The following DGKD variants were observed in gnomAD, a reference collection of about 807,000 sequenced individuals.
DGKD encodes DAG kinase delta.
In DGKD, 68 loss-of-function variants were observed where a neutral mutation model predicts 154.4. The ratio of observed to expected loss-of-function variants is 0.44; its 90% CI spans 0.36 to 0.54. The LOEUF (loss-of-function observed/expected upper bound fraction) is 0.54. Ranked by LOEUF, DGKD falls within the 20% of genes least tolerant of loss-of-function variation. DGKD has a pLI of 0.00. For missense variants in DGKD, 1,343 were observed against 1,593.6 expected (o/e 0.84, Z 2.68); for synonymous variants, 693 against 638.0 (o/e 1.09, Z -1.30).
intron 14 of DGKD, among the ~76,000 whole-genome samples, chr2:233,448,658 C>T (rs2063165419): frequency 6.6e-6 from 1 of 152,212 alleles, no homozygotes; most frequent in Admixed American, 6.5e-5. Flanking sequence ...AGAAGTATCC[C>T]ATTGGCCACT....
intron 2 of DGKD, 49 bp downstream of exon 2, chr2:233,388,416 C>T: frequency 6.4e-7 from 1 of 1,551,472 alleles, no homozygotes; most frequent in Non-Finnish European, 8.7e-7. Flanking sequence ...CAGGAGCCGT[C>T]CCAGGGGAGG....
rs2063321905 is a variant in DGKD, at chr2:233,452,354, C to T, written c.2264+294C>T. ...CTTCTGAGGCTTTTCACAGGCTCAG[C>T]TACTCCTGCCAGGAGCTGCCCTTGT... On this transcript the variant is annotated intron_variant, in intron 18 of 29. Coordinates refer to ENST00000264057, the MANE Select transcript of DGKD (RefSeq NM_152879.3). This position sits in a 1 kb window ranked among gnomAD's most constrained non-coding sequence, Gnocchi z 4.0. Among the ~76,000 whole-genome samples the T allele has an allele frequency of 6.6e-6, 1 of 152,218 alleles. No individual in the cohort carries two copies. The highest frequency in any genetic ancestry group is 1.5e-5 in the Non-Finnish European group (1 of 68,044).
intron 7 of DGKD, 102 bp from the exon 8 acceptor site, chr2:233,437,275 C>T: frequency 9.3e-7 from 1 of 1,073,088 alleles, no homozygotes; most frequent in Non-Finnish European, 1.4e-6. Context: ...CTGAAATCAC[C>T]TGCCTCCCCC....
At chr2:233,410,599 A>G (rs1318834717) in intron 3 of DGKD, among the ~76,000 whole-genome samples, 1 of 152,226 alleles carries the variant, frequency 6.6e-6, no homozygotes, top group South Asian at 2.1e-4. Context: ...TTTGACTTGC[A>G]TAAGTTTCCT....
intron 3 of DGKD, among the ~76,000 whole-genome samples, chr2:233,405,332 A>G (rs2061658020): frequency 6.6e-6 from 1 of 152,198 alleles, no homozygotes; most frequent in Non-Finnish European, 1.5e-5. Context: ...CAGCCTGATC[A>G]ACATGGAGAA....
chr2:233,453,644 G>A lies in DGKD; in HGVS notation c.2265-1119G>A, dbSNP rs145764601. ...CATTGAGTTTCTTTGGGAACTTCCA[G>A]AACATCCTCTTCTCCTGGCTGCAGC... On this transcript the variant is annotated intron_variant, in intron 18 of 29. Coordinates refer to ENST00000264057, the MANE Select transcript of DGKD (RefSeq NM_152879.3). 4.7e-3 allele frequency among the ~76,000 whole-genome samples: 718 copies of A among 152,352 alleles called. 5 individuals are homozygous for A. Among genetic ancestry groups the A allele is most frequent in the Middle Eastern group, 0.044 (13 of 294 alleles).
In DGKD at chr2:233,457,187, C is replaced by G. The variant is rs747602199; in HGVS notation, c.2473-34C>G. The G allele has an allele frequency of 4.7e-6, 7 of 1,481,438 alleles. No homozygotes were observed. Among genetic ancestry groups the G allele is most frequent in the Non-Finnish European group, 6.4e-6 (7 of 1,100,136 alleles). 91.8% of individuals were successfully genotyped at this position (1,481,438 alleles called of 1,614,324 possible). A position where few individuals can be genotyped will look rare whatever the true frequency, so the allele number is the denominator to read the frequency against. The stretch of plus-strand genomic sequence containing the variant: ...GAAGGAGGGGCTGACTCATACCTTT[C>G]TCTTTTCTTTTGTTCTGTGTCTCTG... On this transcript the variant is annotated intron_variant, in intron 20 of 29. Transcript: ENST00000264057. The surrounding 1 kb of genome is among the most constrained non-coding windows in gnomAD (Gnocchi z 5.5).
intron 27 of DGKD, among the ~76,000 whole-genome samples, chr2:233,466,205 T>G (rs1345553877): frequency 6.6e-6 from 1 of 151,562 alleles, no homozygotes; most frequent in Non-Finnish European, 1.5e-5. Context: ...TGTAAATGTA[T>G]CTTGTATGCA....
At chr2:233,446,651 A>G (rs577246065) in intron 11 of DGKD, 61 bp from the exon 12 acceptor site, 3 of 1,558,542 alleles carry the variant, frequency 1.9e-6, no homozygotes, top group African/African-American at 1.4e-5. Context: ...CGGACGGCGC[A>G]GGGTTCACCC....
intron 1 of DGKD, among the ~76,000 whole-genome samples, chr2:233,357,031 A>G (rs1028332208): frequency 6.6e-6 from 1 of 152,206 alleles, no homozygotes; most frequent in Non-Finnish European, 1.5e-5. Context: ...CAATGAGGCA[A>G]GCCGGAGATG....
intron 1 of DGKD, among the ~76,000 whole-genome samples, chr2:233,368,169 T>G (rs1702130065): frequency 6.6e-6 from 1 of 152,192 alleles, no homozygotes; most frequent in Non-Finnish European, 1.5e-5. Context: ...GCCACCCCCA[T>G]TGTGTCATTT....
intron 26 of DGKD, chr2:233,463,792 C>T (rs894125345): frequency 1.7e-5 from 5 of 287,084 alleles, no homozygotes; most frequent in East Asian, 1.5e-4. Context: ...CGTGTCCTCA[C>T]TGCACACCTC....
chr2:233,459,974 T>C lies in DGKD; in HGVS notation c.2829+83T>C. On this transcript the variant is annotated intron_variant, in intron 23 of 29. Transcript: ENST00000264057. This position sits in a 1 kb window ranked among gnomAD's most constrained non-coding sequence, Gnocchi z 5.7. Reference sequence around the variant, plus strand: ...GTGTGCACTGTTAAGAGCTGGAGCTTTTTGTGTTTTGTTCTAGGATTTTTT... The same window carrying C: ...GTGTGCACTGTTAAGAGCTGGAGCTCTTTGTGTTTTGTTCTAGGATTTTTT... The C allele has an allele frequency of 4.0e-6, 6 of 1,498,196 alleles. No individual in the cohort carries two copies. Among genetic ancestry groups the C allele is most frequent in the Non-Finnish European group, 5.3e-6 (6 of 1,126,634 alleles). The allele number at this position is 1,498,196 out of a possible 1,614,324, so 92.8% of individuals were successfully genotyped here.
At chr2:233,409,788 T>G (rs1411451547) in intron 3 of DGKD, among the ~76,000 whole-genome samples, 3 of 9,172 alleles carry the variant, frequency 3.3e-4, no homozygotes, top group Admixed American at 2.3e-3. Context: ...CCCCATACCG[T>G]TTTTTTTTTT....
At chr2:233,426,237 CT>C (rs1362087481) in intron 3 of DGKD, among the ~76,000 whole-genome samples, 1 of 152,164 alleles carries the variant, frequency 6.6e-6, no homozygotes. Flanking sequence ...CTCCCTGTCT[CT>C]TGTACAGTTA....
intron 3 of DGKD, among the ~76,000 whole-genome samples, chr2:233,392,810 TC>T (rs1473801574): frequency 2.6e-5 from 4 of 152,260 alleles, no homozygotes; most frequent in Non-Finnish European, 5.9e-5. Flanking sequence ...TAATTTACTT[TC>T]CCACAAATTT....
chr2:233,447,044 G>A (rs556644876), intron 12 of DGKD, among the ~76,000 whole-genome samples: 4 of 152,290 alleles, frequency 2.6e-5, no homozygotes, highest in South Asian at 2.1e-4. Context: ...CCGGGTGGTG[G>A]GGTGGTCCTC....
In DGKD at chr2:233,408,098, C is replaced by T. The variant is rs572436916; in HGVS notation, c.348+17615C>T. Among the ~76,000 whole-genome samples the T allele has an allele frequency of 8.0e-5, 12 of 150,580 alleles. No homozygotes were observed. The South Asian group carries it at 2.3e-3, about 29-fold the overall frequency. Reference sequence around the variant, plus strand: ...CACTCTGTTGCCCAGGCTGGAGTGCCGTGCTGCGCTCTCAGCTCACTGCAA... The same window carrying T: ...CACTCTGTTGCCCAGGCTGGAGTGCTGTGCTGCGCTCTCAGCTCACTGCAA... On this transcript the variant is annotated intron_variant, in intron 3 of 29. Coordinates refer to ENST00000264057, the MANE Select transcript of DGKD (RefSeq NM_152879.3).
At position 233,441,000 on chromosome 2, in the gene DGKD, G is replaced by A. The variant is rs955203354; in HGVS notation, c.1086-887G>A. On this transcript the variant is annotated intron_variant, in intron 9 of 29. Transcript: ENST00000264057. This position sits in a 1 kb window ranked among gnomAD's most constrained non-coding sequence, Gnocchi z 4.9. ...GTTGGTGGTCGAGCTACCATTCTCC[G>A]AGTAGGGATGTGTCCTGTTGGATGT... is the stretch of plus-strand genomic sequence containing the variant. Among the ~76,000 whole-genome samples the A allele has an allele frequency of 2.6e-5, 4 of 152,192 alleles. No individual in the cohort carries two copies. The highest frequency in any genetic ancestry group is 4.8e-5 in the African/African-American group (2 of 41,442).
Sources: gnomAD v4.1 joint callset for allele counts (sites outside exome capture counted in the v4.1 genomes callset) on GRCh38, gnomAD v4.1.1 for gene constraint, Gnocchi (gnomAD v3.1) non-coding constraint, MANE v1.5 for transcripts, NCBI Gene and HGNC (gene_info 2026-07-23, HGNC 2026-07-21) for gene names.